CNTN4: variants seen among roughly 807,000 people sequenced by gnomAD.
CNTN4 encodes the protein contactin 4, also known as contactin-4.
CNTN4 carries 77 observed loss-of-function variants against 122.5 expected under a neutral mutation model. The observed-to-expected ratio is 0.63, with a 90% CI of 0.52 to 0.76. CNTN4 has a LOEUF of 0.76. CNTN4 is among the 30% of genes least tolerant of loss of function. CNTN4 has a pLI of 0.00. For synonymous variants in CNTN4, 512 were observed against 447.0 expected, an observed-to-expected ratio of 1.15 and a Z score of -1.83; for missense variants, 1,256 against 1,259.1, an observed-to-expected ratio of 1.00 and a Z score of 0.04.
chr3:2,796,495 T>C (rs1559512491), intron 6 of CNTN4, among the ~76,000 whole-genome samples: 1 of 152,088 alleles, frequency 6.6e-6, no homozygotes, highest in Non-Finnish European at 1.5e-5. Flanking sequence ...CTTATTTCTC[T>C]AAGAAAAAAA....
At chr3:2,170,148 C>G (rs565396640) in intron 2 of CNTN4, among the ~76,000 whole-genome samples, 1 of 151,160 alleles carries the variant, frequency 6.6e-6, no homozygotes. Flanking sequence ...GGTGAAACCC[C>G]GTCTCTACTA....
chr3:2,365,534 GA>G (rs1360813711), intron 3 of CNTN4, among the ~76,000 whole-genome samples: 1 of 152,120 alleles, frequency 6.6e-6, no homozygotes, highest in African/African-American at 2.4e-5. Flanking sequence ...GGAATTGGGG[GA>G]AATGCAAAGA....
At chr3:2,305,901 G>T (rs970533926) in intron 2 of CNTN4, among the ~76,000 whole-genome samples, 4 of 152,102 alleles carry the variant, frequency 2.6e-5, no homozygotes, top group African/African-American at 9.7e-5. Flanking sequence ...AGAGTTTTGT[G>T]TCTGACTTCT....
intron 13 of CNTN4, among the ~76,000 whole-genome samples, chr3:2,956,603 T>C (rs2094801816): frequency 1.3e-5 from 2 of 152,116 alleles, no homozygotes; most frequent in Non-Finnish European, 1.5e-5. Context: ...ATTTTATTTC[T>C]TATTTTTAAT....
At chr3:2,400,404 A>AATATATATATATATATATATATATAT (rs36082705) in intron 3 of CNTN4, among the ~76,000 whole-genome samples, 1 of 91,436 alleles carries the variant, frequency 1.1e-5, no homozygotes, top group Non-Finnish European at 2.4e-5. Flanking sequence ...TATGTGTGTG[A>AATATATATATATATATATATATATAT]ATATATATAT....
intron 3 of CNTN4, among the ~76,000 whole-genome samples, chr3:2,419,881 T>G (rs892303452): frequency 1.3e-5 from 2 of 152,198 alleles, no homozygotes; most frequent in African/African-American, 4.8e-5. Flanking sequence ...CTCACATACT[T>G]ATTTCCCTGT....
chr3:2,796,776 C>T (rs1044427898), intron 6 of CNTN4, among the ~76,000 whole-genome samples: 8 of 152,150 alleles, frequency 5.3e-5, no homozygotes, highest in African/African-American at 1.7e-4. Context: ...AAGGTGACAA[C>T]TAAGTTTGCA....
chr3:3,024,111 T>C (rs1180158047), intron 14 of CNTN4, among the ~76,000 whole-genome samples: 1 of 152,164 alleles, frequency 6.6e-6, no homozygotes, highest in African/African-American at 2.4e-5. Flanking sequence ...GTAAACACAA[T>C]CCATGCTTGG....
intron 6 of CNTN4, among the ~76,000 whole-genome samples, chr3:2,808,221 T>C (rs950682485): frequency 6.6e-6 from 1 of 152,096 alleles, no homozygotes; most frequent in African/African-American, 2.4e-5. Flanking sequence ...GTGGTCCTTA[T>C]GTCTCCATTT....
chr3:2,446,846 G>T (rs77002048), intron 3 of CNTN4, among the ~76,000 whole-genome samples: 33 of 152,270 alleles, frequency 2.2e-4, no homozygotes, highest in African/African-American at 6.7e-4. Context: ...CAGTATTGGA[G>T]AAAGCCAAGT....
intron 2 of CNTN4, among the ~76,000 whole-genome samples, chr3:2,302,007 CGT>C (rs926789355): frequency 6.6e-6 from 1 of 152,084 alleles, no homozygotes; most frequent in African/African-American, 2.4e-5. Flanking sequence ...TGCATGTGCA[CGT>C]GTGTGTGTGT....
chr3:2,882,567 G>A (rs2093925133), intron 8 of CNTN4, among the ~76,000 whole-genome samples: 1 of 152,066 alleles, frequency 6.6e-6, no homozygotes, highest in Admixed American at 6.5e-5. Context: ...TTCTGTAGCT[G>A]TATCTTGTTA....
chr3:2,580,813 A>C (rs13082100), intron 4 of CNTN4, among the ~76,000 whole-genome samples: 14,334 of 152,228 alleles, frequency 0.094, 923 homozygotes, highest in Non-Finnish European at 0.14. Flanking sequence ...TATCACCCTT[A>C]AACTCAAAAC....
At chr3:2,492,546 C>T (rs1287932319) in intron 3 of CNTN4, among the ~76,000 whole-genome samples, 1 of 152,170 alleles carries the variant, frequency 6.6e-6, no homozygotes, top group Non-Finnish European at 1.5e-5. Context: ...GCAGCCATTT[C>T]TTCTCATCTT....
In CNTN4 at chr3:2,745,533, A is replaced by G. The variant is rs1484424973; in HGVS notation, c.194A>G (p.Asn65Ser). 1 of 1,614,026 alleles carries G rather than the reference A, an allele frequency of 6.2e-7. No individual in the cohort carries two copies. The change falls in exon 6 of 25, where the codon AAT becomes AGT. Residue 65 changes from asparagine (N) to serine (S), a missense_variant. Physicochemically the swap from Asn to Ser is conservative, Grantham distance 46. Coordinates refer to ENST00000418658, the MANE Select transcript of CNTN4 (RefSeq NM_175607.3). The stretch of plus-strand genomic sequence containing the variant: ...TTTTTATACTATAGGTGGAAGTTAA[A>G]TGGAACAGATGTTGACACTGGTATG... ...NPKPHIRWKL[N>S]GTDVDTGMDF...
intron 3 of CNTN4, among the ~76,000 whole-genome samples, chr3:2,359,649 C>T (rs2045035515): frequency 6.6e-6 from 1 of 152,136 alleles, no homozygotes; most frequent in Non-Finnish European, 1.5e-5. Flanking sequence ...ACGCCATTCT[C>T]CTGACTCAGC....
chr3:2,248,461 C>G (rs566840480), intron 2 of CNTN4, among the ~76,000 whole-genome samples: 27 of 152,088 alleles, frequency 1.8e-4, no homozygotes, highest in Admixed American at 1.7e-3. Context: ...AATGGCTACT[C>G]TATACCACTG....
At chr3:2,656,755 A>G (rs953024328) in intron 4 of CNTN4, among the ~76,000 whole-genome samples, 1 of 152,228 alleles carries the variant, frequency 6.6e-6, no homozygotes, top group African/African-American at 2.4e-5. Context: ...GTCAGCAGCA[A>G]CTGGAACTTG....
At position 2,804,892 on chromosome 3, in the gene CNTN4, C is replaced by G. The variant is rs79629907; in HGVS notation, c.359-14594C>G. 1.4e-3 allele frequency among the ~76,000 whole-genome samples: 220 copies of G among 152,192 alleles called. 1 individual carries two copies. Among genetic ancestry groups the G allele is most frequent in the South Asian group, 2.7e-3 (13 of 4,828 alleles). ...TAGGGACACTGAAAAGTGTCTTTAT[C>G]GGCCAGGCGTGGTGGCTCACGCCTG... is the stretch of plus-strand genomic sequence containing the variant. On this transcript the variant is annotated intron_variant, in intron 6 of 24. Coordinates refer to ENST00000418658, the MANE Select transcript of CNTN4 (RefSeq NM_175607.3).
Sources: gnomAD v4.1 joint callset for allele counts (sites outside exome capture counted in the v4.1 genomes callset) on GRCh38, gnomAD v4.1.1 for gene constraint, MANE v1.5 for transcripts, NCBI Gene and HGNC (gene_info 2026-07-23, HGNC 2026-07-21) for gene names.